The following ETNK1 variants were observed in gnomAD, a reference collection of about 807,000 sequenced individuals.
ETNK1 encodes putative protein product of Nbla10396.
In ETNK1, 8 loss-of-function variants were observed where a neutral mutation model predicts 45.1. The ratio of observed to expected loss-of-function variants is 0.18; its 90% CI spans 0.10 to 0.32. The LOEUF (loss-of-function observed/expected upper bound fraction) is 0.32, where lower values mean the gene tolerates loss of function less well. Ranked by LOEUF, ETNK1 falls within the 10% of genes least tolerant of loss-of-function variation. The pLI is 1.00. For missense variants in ETNK1, 302 were observed against 430.6 expected (o/e 0.70, Z 2.64); for synonymous variants, 152 against 151.9 (o/e 1.00, Z -0.01).
chr12:22,668,300 G>A (rs538366570), intron 4 of ETNK1, among the ~76,000 whole-genome samples: 240 of 152,224 alleles, frequency 1.6e-3, no homozygotes, highest in African/African-American at 5.5e-3. Context: ...GTGGATATTC[G>A]TTTAAATAAA....
At chr12:22,684,007 G>A (rs261912) in intron 6 of ETNK1, among the ~76,000 whole-genome samples, 86,415 of 151,916 alleles carry the variant, frequency 0.57, 24,935 homozygotes, top group East Asian at 0.85. Flanking sequence ...GCAGAATTAA[G>A]CCAGTAAGAT....
intron 1 of ETNK1, among the ~76,000 whole-genome samples, chr12:22,641,180 AC>A (rs1953731387): frequency 6.6e-6 from 1 of 152,254 alleles, no homozygotes; most frequent in East Asian, 1.9e-4. Flanking sequence ...AGGGAGAACT[AC>A]ATTGAGAATG....
chr12:22,660,425 T>C (rs1480397309), intron 3 of ETNK1, among the ~76,000 whole-genome samples: 2 of 152,146 alleles, frequency 1.3e-5, no homozygotes, highest in African/African-American at 4.8e-5. Flanking sequence ...TAGATGAGGA[T>C]AGGACAAAAA....
chr12:22,684,857 T>G lies in ETNK1; in HGVS notation c.1020-25T>G. ...CAAGTTTTTCAGCTTTGACTAATTT[T>G]TTTGTTGTTCTCTTTTCTCACTAGG... On this transcript the variant is annotated intron_variant, in intron 7 of 7. Coordinates refer to ENST00000266517, the MANE Select transcript of ETNK1 (RefSeq NM_018638.5). The G allele has an allele frequency of 1.9e-6, 3 of 1,578,522 alleles. No homozygotes were observed. In the South Asian group the frequency reaches 3.5e-5, roughly 18 times the overall value.
At chr12:22,656,290 C>A in intron 2 of ETNK1, 1 of 395,422 alleles carries the variant, frequency 2.5e-6, no homozygotes, top group Non-Finnish European at 3.4e-6. Flanking sequence ...CATATTGCAG[C>A]ATGATTCTCA....
chr12:22,640,688 A>C (rs1953724988), intron 1 of ETNK1, among the ~76,000 whole-genome samples: 1 of 152,030 alleles, frequency 6.6e-6, no homozygotes. Context: ...ACAATGCAAG[A>C]AGTAGGTTCT....
intron 1 of ETNK1, among the ~76,000 whole-genome samples, chr12:22,628,610 T>G (rs962134224): frequency 6.6e-6 from 1 of 152,102 alleles, no homozygotes; most frequent in African/African-American, 2.4e-5. Flanking sequence ...ATAATAATTC[T>G]CAACGGACTC....
chr12:22,646,801 T>TG (rs1353206705), intron 2 of ETNK1, among the ~76,000 whole-genome samples: 1 of 151,780 alleles, frequency 6.6e-6, no homozygotes, highest in African/African-American at 2.4e-5. Context: ...TGGACTAGTC[T>TG]GGGGGAGGAA....
At chr12:22,650,356 T>A (rs1953859667) in intron 2 of ETNK1, among the ~76,000 whole-genome samples, 1 of 152,022 alleles carries the variant, frequency 6.6e-6, no homozygotes, top group African/African-American at 2.4e-5. Flanking sequence ...TCTTTATTCC[T>A]GATCTTAGTG....
intron 6 of ETNK1, among the ~76,000 whole-genome samples, chr12:22,678,398 T>A (rs1402643692): frequency 1.3e-5 from 2 of 152,248 alleles, no homozygotes; most frequent in Admixed American, 1.3e-4. Flanking sequence ...CAGTAGCATT[T>A]GACAGTATTT....
chr12:22,655,177 A>C (rs1953922768), intron 2 of ETNK1, among the ~76,000 whole-genome samples: 1 of 152,142 alleles, frequency 6.6e-6, no homozygotes, highest in Non-Finnish European at 1.5e-5. Flanking sequence ...CATGTTGGCC[A>C]GGTTGGTCTC....
In ETNK1 at chr12:22,686,851, ATTTTTTTTT is replaced by A. The variant is rs3983448; in HGVS notation, c.*1917_*1925del. 4 of 69,262 alleles carry A rather than the reference ATTTTTTTTT, an allele frequency of 5.8e-5. No homozygotes were observed. The highest frequency in any genetic ancestry group is 1.8e-4 in the Admixed American group (1 of 5,504). The allele number at this position is 69,262 out of a possible 1,614,324, so 4.3% of individuals were successfully genotyped here. The stretch of plus-strand genomic sequence containing the variant: ...AGATAAAGAATGTGTAATACTCTTA[ATTTTTTTTT>A]TTTTTTTTTTTTTTTTTTTGCTTTC... On this transcript the variant is annotated 3_prime_UTR_variant, in exon 8 of 8. Transcript: ENST00000266517.
At position 22,625,520 on chromosome 12, in the gene ETNK1, G is replaced by A. The variant is rs751233420; in HGVS notation, c.90G>A (p.Arg30=). The change falls in exon 1 of 8, where the codon CGG becomes CGA. Residue 30 remains arginine (R), a synonymous_variant. Coordinates refer to ENST00000266517, the MANE Select transcript of ETNK1 (RefSeq NM_018638.5). ...TVQDQEEHRC[R]EGALSLLQHL... ...AGGATCAGGAGGAGCATCGCTGCCG[G>A]GAGGGGGCCCTGAGCCTCCTGCAAC... is the stretch of plus-strand genomic sequence containing the variant. 1.2e-6 allele frequency: 2 copies of A among 1,606,502 alleles called. No individual in the cohort carries two copies. Among genetic ancestry groups the A allele is most frequent in the Admixed American group, 1.7e-5 (1 of 59,386 alleles).
Position 22,625,192 on chromosome 12 carries a change from C to G in ETNK1, c.-239C>G, listed in dbSNP as rs1486452483. 2.2e-5 allele frequency: 35 copies of G among 1,608,500 alleles called. No individual in the cohort carries two copies. Among genetic ancestry groups the G allele is most frequent in the Non-Finnish European group, 2.9e-5 (34 of 1,177,608 alleles). The stretch of plus-strand genomic sequence containing the variant: ...CTCTGCGGCCGCCCGCGGTCCAGCT[C>G]CGACAACAGGAATTTTCTCCGAGAG... On this transcript the variant is annotated 5_prime_UTR_variant, in exon 1 of 8. Transcript: ENST00000266517.
At chr12:22,674,502 C>G (rs1478814427) in intron 6 of ETNK1, among the ~76,000 whole-genome samples, 1 of 152,116 alleles carries the variant, frequency 6.6e-6, no homozygotes, top group Non-Finnish European at 1.5e-5. Context: ...GTTCCTTTAC[C>G]TGCTGTTCTT....
At chr12:22,650,992 C>T (rs1953867787) in intron 2 of ETNK1, among the ~76,000 whole-genome samples, 1 of 152,074 alleles carries the variant, frequency 6.6e-6, no homozygotes. Context: ...TCCACAACTA[C>T]AGAAAACTAG....
At chr12:22,675,509 C>T (rs993901549) in intron 6 of ETNK1, among the ~76,000 whole-genome samples, 2 of 152,064 alleles carry the variant, frequency 1.3e-5, no homozygotes, top group African/African-American at 2.4e-5. Flanking sequence ...GCGCATGCCA[C>T]CATGCCTGGC....
intron 4 of ETNK1, among the ~76,000 whole-genome samples, chr12:22,667,546 G>T (rs542511702): frequency 6.6e-6 from 1 of 152,142 alleles, no homozygotes; most frequent in African/African-American, 2.4e-5. Flanking sequence ...GGACACCAGC[G>T]TGAAGATTAA....
intron 6 of ETNK1, among the ~76,000 whole-genome samples, chr12:22,682,522 T>C (rs955294448): frequency 6.6e-6 from 1 of 152,160 alleles, no homozygotes; most frequent in Non-Finnish European, 1.5e-5. Context: ...ACATCCATTG[T>C]ACTTTGGATA....
Sources: gnomAD v4.1 joint callset for allele counts (sites outside exome capture counted in the v4.1 genomes callset) on GRCh38, gnomAD v4.1.1 for gene constraint, MANE v1.5 for transcripts, NCBI Gene and HGNC (gene_info 2026-07-23, HGNC 2026-07-21) for gene names.